Variants in PHF19 observed in about 807,000 individuals in gnomAD.
PHF19 encodes the protein polycomb like 3.
Under a neutral mutation model 79.8 loss-of-function variants are expected in PHF19, and 21 were observed. That is an observed-to-expected ratio of 0.26 (90% CI 0.19 to 0.38). The LOEUF (loss-of-function observed/expected upper bound fraction) is 0.38. Ranked by LOEUF, PHF19 falls within the 10% of genes least tolerant of loss-of-function variation. The pLI is 1.00. For synonymous variants in PHF19, 273 were observed against 296.3 expected (o/e 0.92, Z 0.81); for missense variants, 445 against 744.2 (o/e 0.60, Z 4.68).
intron 6 of PHF19, among the ~76,000 whole-genome samples, chr9:120,867,671 C>T (rs1483331438): frequency 6.6e-6 from 1 of 152,224 alleles, no homozygotes; most frequent in Non-Finnish European, 1.5e-5. Context: ...GGAAAGGTTT[C>T]CATAAGCATT....
Position 120,869,279 on chromosome 9 carries a change from T to G in PHF19, c.517A>C (p.Lys173Gln). ...GAIARTLQAV[K>Q]MVLSYQPEEL... is the part of the protein sequence containing the mutation. ...TCGGGCTGGTAGGACAGCACCATCTTCACGGCCTGCAGCGTCCTGGCGATG... is the reference window on the plus strand; with the variant it reads ...TCGGGCTGGTAGGACAGCACCATCTGCACGGCCTGCAGCGTCCTGGCGATG... Residue 173 changes from lysine to glutamine, a missense_variant, in exon 6 of 15, where the codon AAG becomes CAG. Physicochemically the swap from Lys to Gln is moderately conservative, Grantham distance 53 (BLOSUM62 1). Coordinates refer to ENST00000373896, the MANE Select transcript of PHF19 (RefSeq NM_015651.3). This position sits in a 1 kb window ranked among gnomAD's most constrained non-coding sequence, Gnocchi z 5.8. The G allele has an allele frequency of 6.2e-7, 1 of 1,613,078 alleles. No individual in the cohort carries two copies. The highest frequency in any genetic ancestry group is 8.5e-7 in the Non-Finnish European group (1 of 1,179,794).
the PHF19 span, chr9:120,903,520 A>C: frequency 6.6e-6 from 1 of 152,408 alleles, no homozygotes; most frequent in Non-Finnish European, 1.5e-5. Context: ...TTATAGAAGC[A>C]ACCCTAACGA....
rs1370667770 is a variant in PHF19 at position 120,870,265 on chromosome 9, T to TC, written c.364+177dup. Among the ~76,000 whole-genome samples the TC allele has an allele frequency of 6.6e-6, 1 of 152,040 alleles. No homozygotes were observed. The highest frequency in any genetic ancestry group is 2.4e-5 in the African/African-American group (1 of 41,394). On this transcript the variant is annotated intron_variant, in intron 4 of 14. Coordinates refer to ENST00000373896, the MANE Select transcript of PHF19 (RefSeq NM_015651.3). This position sits in a 1 kb window ranked among gnomAD's most constrained non-coding sequence, Gnocchi z 4.4. ...ATACACCATCATACCCTCCCAGCTT[T>TC]CCCCAGGATCTCTTCCCAAGCCCTC...
chr9:120,874,414 C>A lies in PHF19; in HGVS notation c.186+142G>T. 1.6e-6 allele frequency: 1 copy of A among 622,744 alleles called. No individual in the cohort carries two copies. The allele number at this position is 622,744 out of a possible 1,614,324, so 38.6% of individuals were successfully genotyped here. A position where few individuals can be genotyped will look rare whatever the true frequency, so the allele number is the denominator to read the frequency against. Reference sequence around the variant, plus strand: ...GGTGCCTGCAAGACCAGGCTCTGGCCCCTCCCACCACCAGCTTTGGGCATG... The same window carrying A: ...GGTGCCTGCAAGACCAGGCTCTGGCACCTCCCACCACCAGCTTTGGGCATG... On this transcript the variant is annotated intron_variant, in intron 2 of 14. Coordinates refer to ENST00000373896, the MANE Select transcript of PHF19 (RefSeq NM_015651.3). The surrounding 1 kb of genome is among the most constrained non-coding windows in gnomAD (Gnocchi z 4.5).
intron 6 of PHF19, chr9:120,868,971 C>T (rs1448888764): frequency 9.2e-6 from 3 of 324,794 alleles, no homozygotes; most frequent in Admixed American, 6.6e-5. Flanking sequence ...TGACCCCCCC[C>T]TCCCCGAGTC....
chr9:120,889,142 A>G (rs1156538213), intron 1 of PHF19, among the ~76,000 whole-genome samples: 1 of 152,106 alleles, frequency 6.6e-6, no homozygotes, highest in Non-Finnish European at 1.5e-5. Context: ...CCAATAACAG[A>G]TGAGGCCAGG....
chr9:120,865,700 C>G lies in PHF19; in HGVS notation c.900+10G>C. The G allele has an allele frequency of 6.2e-7, 1 of 1,614,082 alleles. No individual in the cohort carries two copies. Among genetic ancestry groups the G allele is most frequent in the Non-Finnish European group, 8.5e-7 (1 of 1,179,918 alleles). The stretch of plus-strand genomic sequence containing the variant: ...GCCTCCTGCCACTGACATCCCACAA[C>G]CCCACATACCTTGCCAAGCTGCAGG... On this transcript the variant is annotated intron_variant, in intron 9 of 14. Transcript: ENST00000373896.
intron 1 of PHF19, chr9:120,876,495 G>A (rs1388553985): frequency 3.3e-5 from 5 of 151,914 alleles, no homozygotes; most frequent in African/African-American, 1.2e-4. Context: ...GGCCCCCGCG[G>A]GCTGTGATTG....
intron 1 of PHF19, among the ~76,000 whole-genome samples, chr9:120,886,677 G>A (rs2046268220): frequency 6.6e-6 from 1 of 152,232 alleles, no homozygotes; most frequent in South Asian, 2.1e-4. Flanking sequence ...CATCCAGCCT[G>A]TAGTCACCGC....
Position 120,872,329 on chromosome 9 carries a change from A to G in PHF19, c.268+1650T>C, listed in dbSNP as rs575991279. Among the ~76,000 whole-genome samples the G allele has an allele frequency of 1.3e-3, 194 of 152,296 alleles. 2 individuals carry two copies. The South Asian group carries it at 0.024, about 19-fold the overall frequency. On this transcript the variant is annotated intron_variant, in intron 3 of 14. Transcript: ENST00000373896. The stretch of plus-strand genomic sequence containing the variant: ...GCTAGAGGGTCACCATTCTGCCCGG[A>G]AGGGGCAGTTCTGGCTAGGAGACAA...
At position 120,862,937 on chromosome 9, in the gene PHF19, G is replaced by A. The variant is rs1420516777; in HGVS notation, c.969-188C>T. On this transcript the variant is annotated intron_variant, in intron 10 of 14. Coordinates refer to ENST00000373896, the MANE Select transcript of PHF19 (RefSeq NM_015651.3). This position sits in a 1 kb window ranked among gnomAD's most constrained non-coding sequence, Gnocchi z 4.6. ...GGTTCCAGGTAGCAGCTGAGAACAC[G>A]GCTGGTGCCTCCTCCCTGTGCTTCC... 6 of 592,194 alleles carry A rather than the reference G, an allele frequency of 1.0e-5. No individual in the cohort carries two copies. Among genetic ancestry groups the A allele is most frequent in the Non-Finnish European group, 1.8e-5 (6 of 330,770 alleles). The allele number at this position is 592,194 out of a possible 1,614,324, so 36.7% of individuals were successfully genotyped here.
At chr9:120,902,220 C>T in the PHF19 span, among the ~76,000 whole-genome samples, 1 of 152,130 alleles carries the variant, frequency 6.6e-6, no homozygotes, top group Admixed American at 6.5e-5. Flanking sequence ...CAGGCTTTAT[C>T]ACTTACGGGG....
upstream of PHF19, among the ~76,000 whole-genome samples, chr9:120,896,857 G>T (rs998944415): frequency 4.6e-5 from 7 of 152,166 alleles, no homozygotes; most frequent in African/African-American, 1.4e-4. Context: ...CTTCCAAATC[G>T]ATTGTTTCCC....
chr9:120,878,238 G>A (rs1401515552), upstream of PHF19, among the ~76,000 whole-genome samples: 1 of 152,126 alleles, frequency 6.6e-6, no homozygotes, highest in Non-Finnish European at 1.5e-5. Context: ...GTAAATAAAG[G>A]GCACACAATG....
At chr9:120,879,756 TG>T (rs912691699), upstream of PHF19, among the ~76,000 whole-genome samples, 2 of 152,004 alleles carry the variant, frequency 1.3e-5, no homozygotes, top group African/African-American at 4.8e-5. Flanking sequence ...AGTTAGGTTG[TG>T]GAAATAGGGA....
chr9:120,887,278 A>G (rs1416408022), intron 1 of PHF19, among the ~76,000 whole-genome samples: 1 of 151,944 alleles, frequency 6.6e-6, no homozygotes, highest in Non-Finnish European at 1.5e-5. Context: ...AACATGGTGA[A>G]ATCCTGTCTC....
In PHF19 at chr9:120,869,059, T is replaced by A; in HGVS notation, c.614+123A>T. 4.9e-6 allele frequency: 4 copies of A among 818,512 alleles called. No individual in the cohort carries two copies. The highest frequency in any genetic ancestry group is 4.8e-6 in the Non-Finnish European group (3 of 625,372). The allele number at this position is 818,512 out of a possible 1,614,324, so 50.7% of individuals were successfully genotyped here. A position where few individuals can be genotyped will look rare whatever the true frequency, so the allele number is the denominator to read the frequency against. On this transcript the variant is annotated intron_variant, in intron 6 of 14. Transcript: ENST00000373896. This position sits in a 1 kb window ranked among gnomAD's most constrained non-coding sequence, Gnocchi z 5.8. ...GCCCCGCCCCCACAGCGCAACACAC[T>A]GGGCCCGCCCTCAAGGTCCCCGCCT...
intron 6 of PHF19, chr9:120,868,499 G>C (rs969551578): frequency 6.6e-6 from 1 of 152,482 alleles, no homozygotes; most frequent in Admixed American, 6.5e-5. Flanking sequence ...GAGCTAGGAC[G>C]TGGACGTCCT....
At chr9:120,868,927 G>C in intron 6 of PHF19, 1 of 831,420 alleles carries the variant, frequency 1.2e-6, no homozygotes, top group Non-Finnish European at 1.6e-6. Context: ...CAATCTTCCG[G>C]GCCCACCCCT....
Sources: allele counts gnomAD v4.1 joint callset (sites outside exome capture counted in the v4.1 genomes callset), GRCh38; gene constraint gnomAD v4.1.1; non-coding constraint Gnocchi (gnomAD v3.1); transcripts MANE v1.5; gene names NCBI Gene and HGNC (gene_info 2026-07-23, HGNC 2026-07-21).